Variants in HLX observed in about 807,000 individuals in gnomAD.
The protein encoded by HLX is H2.0-like homeobox protein.
In HLX, 6 loss-of-function variants were observed where a neutral mutation model predicts 27.7. That is an observed-to-expected ratio of 0.22 (90% CI 0.12 to 0.43). The LOEUF (loss-of-function observed/expected upper bound fraction) is 0.43, where lower values mean the gene tolerates loss of function less well. Ranked by LOEUF, HLX falls within the 20% of genes least tolerant of loss-of-function variation. The pLI, the probability that HLX is intolerant of heterozygous loss-of-function variation, is 1.00. For synonymous variants in HLX, 328 were observed against 293.8 expected, an observed-to-expected ratio of 1.12 and a Z score of -1.19; for missense variants, 666 against 655.2, an observed-to-expected ratio of 1.02 and a Z score of -0.18.
intron 1 of HLX, 141 bp downstream of exon 1, chr1:220,880,590 A>T: frequency 1.1e-6 from 1 of 881,210 alleles, no homozygotes; most frequent in Non-Finnish European, 1.9e-6. Context: ...ATTGTAAGAA[A>T]ACTACAAAAC....
rs2102640905 is a variant in HLX, at chr1:220,879,897, T to A, written c.40T>A (p.Phe14Ile). The change falls in exon 1 of 4, where the codon TTC (phenylalanine) becomes ATC (isoleucine). Residue 14 changes from phenylalanine to isoleucine, a missense_variant. Transcript: ENST00000366903. The stretch of plus-strand genomic sequence containing the variant: ...GCTGGCTCCCTTCTACGCCTCCAAC[T>A]TCAGCCTCTGGTCGGCCGCTTACTG... ...AGLAPFYASNFSLWSAAYCSS... is the reference protein window; with the variant it reads ...AGLAPFYASNISLWSAAYCSS... 3.1e-6 allele frequency: 5 copies of A among 1,593,836 alleles called. No homozygotes were observed. The highest frequency in any genetic ancestry group is 1.3e-5 in the African/African-American group (1 of 74,668).
At position 220,884,786 on chromosome 1, in the gene HLX, C is replaced by T. The variant is rs549979777; in HGVS notation, c.*82C>T. On this transcript the variant is annotated 3_prime_UTR_variant, in exon 4 of 4. Transcript: ENST00000366903. The surrounding 1 kb of genome is among the most constrained non-coding windows in gnomAD (Gnocchi z 4.9). ...GGGTTTTGTGCTTACTGTATGTTGG[C>T]GACTTGGTAGGGCAGGAGACGCAGC... is the stretch of plus-strand genomic sequence containing the variant. The T allele has an allele frequency of 1.3e-6, 2 of 1,549,914 alleles. No homozygotes were observed. Among genetic ancestry groups the T allele is most frequent in the Non-Finnish European group, 1.7e-6 (2 of 1,154,476 alleles).
Position 220,879,741 on chromosome 1 carries a change from C to A in HLX, c.-117C>A. The A allele has an allele frequency of 7.1e-7, 1 of 1,411,904 alleles. No individual in the cohort carries two copies. Among genetic ancestry groups the A allele is most frequent in the Non-Finnish European group, 9.2e-7 (1 of 1,085,456 alleles). 87.5% of individuals were successfully genotyped at this position (1,411,904 alleles called of 1,614,324 possible). Reference sequence around the variant, plus strand: ...CTCTTCCTCAGTGCGGGCGGAGAAGCGAAAGCGGATCGTCCTCGGCTGCCG... The same window carrying A: ...CTCTTCCTCAGTGCGGGCGGAGAAGAGAAAGCGGATCGTCCTCGGCTGCCG... On this transcript the variant is annotated 5_prime_UTR_variant, in exon 1 of 4. Coordinates refer to ENST00000366903, the MANE Select transcript of HLX (RefSeq NM_021958.4).
intron 2 of HLX, chr1:220,881,602 G>T: frequency 1.7e-6 from 1 of 596,096 alleles, no homozygotes. Flanking sequence ...AAGTGTGTGC[G>T]TGGACGGTGG....
rs1399534215 is a variant in HLX, at chr1:220,879,641, G to T, written c.-217G>T. On this transcript the variant is annotated 5_prime_UTR_variant, in exon 1 of 4. Transcript: ENST00000366903. ...GGCGCCGCGCCGCCTTTAAAGCGAG[G>T]CCAGGGAGCGAGGCGGTGACCGGCC... The T allele has an allele frequency of 2.8e-6, 2 of 712,124 alleles. No homozygotes were observed. Among genetic ancestry groups the T allele is most frequent in the Non-Finnish European group, 4.2e-6 (2 of 471,514 alleles). 44.1% of individuals were successfully genotyped at this position (712,124 alleles called of 1,614,324 possible). A position where few individuals can be genotyped will look rare whatever the true frequency, so the allele number is the denominator to read the frequency against.
Position 220,880,586 on chromosome 1 carries a change from A to G in HLX, c.592+137A>G. On this transcript the variant is annotated intron_variant, in intron 1 of 3. Transcript: ENST00000366903. ...ACGGGAGAGAAGAAAACGAATTGTA[A>G]GAAAACTACAAAACATTAGGTCTAA... 4.4e-6 allele frequency: 4 copies of G among 917,114 alleles called. No individual in the cohort carries two copies. In the South Asian group the frequency reaches 5.5e-5, roughly 13 times the overall value. 56.8% of individuals were successfully genotyped at this position (917,114 alleles called of 1,614,324 possible). A position where few individuals can be genotyped will look rare whatever the true frequency, so the allele number is the denominator to read the frequency against.
Position 220,879,677 on chromosome 1 carries a change from C to A in HLX, c.-181C>A, listed in dbSNP as rs926940564. 3 of 988,364 alleles carry A rather than the reference C, an allele frequency of 3.0e-6. No individual in the cohort carries two copies. The highest frequency in any genetic ancestry group is 4.2e-6 in the Non-Finnish European group (3 of 717,344). The allele number at this position is 988,364 out of a possible 1,614,324, so 61.2% of individuals were successfully genotyped here. Reference sequence around the variant, plus strand: ...AGGCGGTGACCGGCCGAGATCCGGCCCTCGCCTCCTCCCTCGGTGGCGCTA... The same window carrying A: ...AGGCGGTGACCGGCCGAGATCCGGCACTCGCCTCCTCCCTCGGTGGCGCTA... On this transcript the variant is annotated 5_prime_UTR_variant, in exon 1 of 4. Transcript: ENST00000366903.
At chr1:220,883,173 T>C (rs999287341) in intron 3 of HLX, 1 of 151,330 alleles carries the variant, frequency 6.6e-6, no homozygotes, top group African/African-American at 2.4e-5. Context: ...GGGTGCTGAT[T>C]TTCCCCAGCA....
chr1:220,879,834 A>C lies in HLX; in HGVS notation c.-24A>C. 1 of 1,550,198 alleles carries C rather than the reference A, an allele frequency of 6.5e-7. No homozygotes were observed. The highest frequency in any genetic ancestry group is 8.7e-7 in the Non-Finnish European group (1 of 1,155,706). ...CCACCCAGTCCGGCTGGACTGCGGC[A>C]GCCGCGCGGCTCACCCCGGCAGGAT... is the stretch of plus-strand genomic sequence containing the variant. On this transcript the variant is annotated 5_prime_UTR_variant, in exon 1 of 4. Coordinates refer to ENST00000366903, the MANE Select transcript of HLX (RefSeq NM_021958.4).
intron 3 of HLX, chr1:220,883,332 C>G (rs2491259): frequency 0.69 from 102,606 of 149,280 alleles, 35,569 homozygotes; most frequent in African/African-American, 0.77. Flanking sequence ...CACACACACA[C>G]GAGGAGCCCA....
At chr1:220,881,576 G>A (rs942316322) in intron 2 of HLX, 7 of 626,072 alleles carry the variant, frequency 1.1e-5, no homozygotes, top group African/African-American at 3.7e-5. Flanking sequence ...GGGTAGAGGC[G>A]CCTGGAGATC....
At chr1:220,880,940 G>T in intron 1 of HLX, 1 of 496,892 alleles carries the variant, frequency 2.0e-6, no homozygotes, top group East Asian at 3.4e-5. Flanking sequence ...ACGTGAAAGT[G>T]AGGCCGTAAG....
intron 2 of HLX, chr1:220,881,588 C>T (rs1242233677): frequency 1.6e-6 from 1 of 613,480 alleles, no homozygotes; most frequent in Non-Finnish European, 2.9e-6. Context: ...CTGGAGATCC[C>T]AGAAAGTGTG....
At chr1:220,880,549 C>A in intron 1 of HLX, 100 bp downstream of exon 1, 5 of 1,274,324 alleles carry the variant, frequency 3.9e-6, no homozygotes, top group African/African-American at 1.5e-5. Context: ...CAATTAAGGA[C>A]AAATCGGTAA....
At position 220,882,252 on chromosome 1, in the gene HLX, G is replaced by A. The variant is rs993655370; in HGVS notation, c.861G>A (p.Gln287=). The change falls in exon 3 of 4, where the codon CAG becomes CAA. Residue 287 remains glutamine, a synonymous_variant. Transcript: ENST00000366903. The stretch of plus-strand genomic sequence containing the variant: ...CGCGCGCTGTGTTCTCCAACCTGCA[G>A]AGGAAAGGCCTGGAGAAAAGGTTTG... The part of the protein sequence containing the change: ...SWSRAVFSNL[Q]RKGLEKRFEI... 5 of 1,614,132 alleles carry A rather than the reference G, an allele frequency of 3.1e-6. No individual in the cohort carries two copies. Among genetic ancestry groups the A allele is most frequent in the African/African-American group, 1.3e-5 (1 of 74,950 alleles).
At position 220,879,782 on chromosome 1, in the gene HLX, C is replaced by G. The variant is rs1674381768; in HGVS notation, c.-76C>G. 1.4e-6 allele frequency: 2 copies of G among 1,466,630 alleles called. No homozygotes were observed. The highest frequency in any genetic ancestry group is 1.5e-5 in the African/African-American group (1 of 68,672). The allele number at this position is 1,466,630 out of a possible 1,614,324, so 90.9% of individuals were successfully genotyped here. On this transcript the variant is annotated 5_prime_UTR_variant, in exon 1 of 4. Coordinates refer to ENST00000366903, the MANE Select transcript of HLX (RefSeq NM_021958.4). ...TCGGCTGCCGCCGCCTTCTCCGGGACTCGCGCGCCCCTCCCCGCGCGCCCA... is the reference window on the plus strand; with the variant it reads ...TCGGCTGCCGCCGCCTTCTCCGGGAGTCGCGCGCCCCTCCCCGCGCGCCCA...
rs1674514890 is a variant in HLX at position 220,884,069 on chromosome 1, G to A, written c.958-126G>A. ...CTACCACAGTGTCTGGTCCTTGGTA[G>A]AGTCGCCAAGTAAGCGTTGCTTTTT... On this transcript the variant is annotated intron_variant, in intron 3 of 3. Coordinates refer to ENST00000366903, the MANE Select transcript of HLX (RefSeq NM_021958.4). This position sits in a 1 kb window ranked among gnomAD's most constrained non-coding sequence, Gnocchi z 4.9. 7 of 944,666 alleles carry A rather than the reference G, an allele frequency of 7.4e-6. No individual in the cohort carries two copies. Among genetic ancestry groups the A allele is most frequent in the Non-Finnish European group, 1.2e-5 (7 of 597,988 alleles). The allele number at this position is 944,666 out of a possible 1,614,324, so 58.5% of individuals were successfully genotyped here. A position where few individuals can be genotyped will look rare whatever the true frequency, so the allele number is the denominator to read the frequency against.
chr1:220,879,798 C>G lies in HLX; in HGVS notation c.-60C>G, dbSNP rs911966557. The G allele has an allele frequency of 2.7e-6, 4 of 1,486,994 alleles. No homozygotes were observed. The highest frequency in any genetic ancestry group is 1.4e-5 in the African/African-American group (1 of 69,180). 92.1% of individuals were successfully genotyped at this position (1,486,994 alleles called of 1,614,324 possible). ...TCTCCGGGACTCGCGCGCCCCTCCC[C>G]GCGCGCCCACCCACCCAGTCCGGCT... On this transcript the variant is annotated 5_prime_UTR_variant, in exon 1 of 4. Transcript: ENST00000366903.
Position 220,884,713 on chromosome 1 carries a change from A to T in HLX, c.*9A>T. 1 of 1,606,930 alleles carries T rather than the reference A, an allele frequency of 6.2e-7. No homozygotes were observed. ...CGCTTGGCTGCTTATAGACTGTACT[A>T]GGGCGGAGGGGATCCGGGCCTTGCG... On this transcript the variant is annotated 3_prime_UTR_variant, in exon 4 of 4. Transcript: ENST00000366903. The surrounding 1 kb of genome is among the most constrained non-coding windows in gnomAD (Gnocchi z 4.9).
Sources: allele counts gnomAD v4.1 joint callset, GRCh38; gene constraint gnomAD v4.1.1; non-coding constraint Gnocchi (gnomAD v3.1); transcripts MANE v1.5; gene names NCBI Gene and HGNC (gene_info 2026-07-23, HGNC 2026-07-21).